The following SETD1B variants were observed in gnomAD, a reference collection of about 807,000 sequenced individuals.
The protein encoded by SETD1B is histone-lysine N-methyltransferase SETD1B.
SETD1B carries 7 observed loss-of-function variants against 148.0 expected under a neutral mutation model. The ratio of observed to expected loss-of-function variants is 0.05; its 90% CI spans 0.03 to 0.09. The LOEUF is 0.09. Ranked by LOEUF, SETD1B falls within the 10% of genes least tolerant of loss-of-function variation. The pLI, the probability that SETD1B is intolerant of heterozygous loss-of-function variation, is 1.00. For synonymous variants in SETD1B, 1,361 were observed against 1,186.5 expected (o/e 1.15, Z -3.02); for missense variants, 2,155 against 2,729.9 (o/e 0.79, Z 4.69).
chr12:121,832,436 TTCTC>T lies in SETD1B; in HGVS notation c.*2200_*2203del, dbSNP rs1422646565. The T allele has an allele frequency of 6.5e-6, 1 of 152,956 alleles. No individual in the cohort carries two copies. Among genetic ancestry groups the T allele is most frequent in the African/African-American group, 2.4e-5 (1 of 41,438 alleles). The allele number at this position is 152,956 out of a possible 1,614,324, so 9.5% of individuals were successfully genotyped here. A position where few individuals can be genotyped will look rare whatever the true frequency, so the allele number is the denominator to read the frequency against. Reference sequence around the variant, plus strand: ...TTGGGGGTTTCTGCTATTTTTTGCTTTCTCTCCCTCCCCCTGCAAAGATGAGAAC... The same window carrying T: ...TTGGGGGTTTCTGCTATTTTTTGCTTTCCCTCCCCCTGCAAAGATGAGAAC... On this transcript the variant is annotated 3_prime_UTR_variant, in exon 17 of 17. Transcript: ENST00000604567.
rs541225332 is a variant in SETD1B at position 121,806,219 on chromosome 12, C to A, written c.544+114C>A. 5.5e-5 allele frequency: 66 copies of A among 1,193,822 alleles called. 1 individual carries two copies. The East Asian group carries it at 5.9e-4, about 11-fold the overall frequency. 74.0% of individuals were successfully genotyped at this position (1,193,822 alleles called of 1,614,324 possible). ...CTCACTCTTCCTTGGGATCCCCCCC[C>A]ACAACCTTATTTCTTAGCCCCCTCC... On this transcript the variant is annotated intron_variant, in intron 4 of 16. Transcript: ENST00000604567.
In SETD1B at chr12:121,822,546, C is replaced by T. The variant is rs1254968993; in HGVS notation, c.3967C>T (p.Pro1323Ser). ...PPMMLPLPLQ[P>S]PLPPPRPPRP... is the part of the protein sequence containing the mutation. Reference sequence around the variant, plus strand: ...TATGATGCTCCCCTTGCCGCTGCAACCACCATTGCCGCCCCCACGACCACC... The same window carrying T: ...TATGATGCTCCCCTTGCCGCTGCAATCACCATTGCCGCCCCCACGACCACC... The change falls in exon 12 of 17, where the codon CCA becomes TCA. Residue 1323 changes from proline (P) to serine (S), a missense_variant. By Grantham distance (74) the Pro-to-Ser change is moderately conservative. This residue lies in a region of SETD1B where 862 missense variants were observed against 873.8 expected (regional missense o/e 0.99). Transcript: ENST00000604567. 6.4e-7 allele frequency: 1 copy of T among 1,550,900 alleles called. No individual in the cohort carries two copies. The highest frequency in any genetic ancestry group is 1.4e-5 in the African/African-American group (1 of 72,988).
the SETD1B span, chr12:121,795,738 A>G: frequency 6.5e-6 from 1 of 152,672 alleles, no homozygotes; most frequent in African/African-American, 2.4e-5. Context: ...TAAGAGGTGG[A>G]AGAAGAGGAC....
intron 13 of SETD1B, 74 bp downstream of exon 13, chr12:121,825,440 G>T (rs1445686652): frequency 2.8e-6 from 4 of 1,433,384 alleles, no homozygotes; most frequent in Non-Finnish European, 3.7e-6. Flanking sequence ...TCATGGAGGG[G>T]TGCCAGGCAG....
chr12:121,823,911 T>C (rs1876712113), intron 12 of SETD1B, among the ~76,000 whole-genome samples, 162 bp downstream of exon 12: 1 of 152,186 alleles, frequency 6.6e-6, no homozygotes, highest in Non-Finnish European at 1.5e-5. Context: ...CCCGGCACCA[T>C]GCCAGGCTCC....
chr12:121,793,354 T>G, the SETD1B span: 1 of 1,430,048 alleles, frequency 7.0e-7, no homozygotes, highest in Non-Finnish European at 9.5e-7. Flanking sequence ...CTCACCCCGC[T>G]GGGCTCTGGA....
At chr12:121,793,239 G>A in the SETD1B span, 1 of 1,550,770 alleles carries the variant, frequency 6.4e-7, no homozygotes, top group Non-Finnish European at 8.7e-7. Context: ...GGGGCGTAGT[G>A]CTGCGGGAGA....
At chr12:121,802,766 C>T (rs1017955635), upstream of SETD1B, 6 of 152,170 alleles carry the variant, frequency 3.9e-5, no homozygotes, top group African/African-American at 9.7e-5. Context: ...TCCAGTCTTC[C>T]AACTGTGAGT....
chr12:121,812,090 G>GGCCGCCAGCGCAGGGAGTC (rs1876061296), intron 6 of SETD1B, among the ~76,000 whole-genome samples: 1 of 151,560 alleles, frequency 6.6e-6, no homozygotes, highest in Admixed American at 6.8e-5. Context: ...GGGACTGCCC[G>GGCCGCCAGCGCAGGGAGTC]GCCGCCAGCG....
At position 121,822,533 on chromosome 12, in the gene SETD1B, C is replaced by T; in HGVS notation, c.3954C>T (p.Pro1318=). 3 of 1,550,780 alleles carry T rather than the reference C, an allele frequency of 1.9e-6. No individual in the cohort carries two copies. Among genetic ancestry groups the T allele is most frequent in the Admixed American group, 2.0e-5 (1 of 50,904 alleles). Residue 1318 remains proline, a synonymous_variant, in exon 12 of 17, where the codon CCC becomes CCT. Transcript: ENST00000604567. ...EVEPEPPMML[P]LPLQPPLPPP... is the part of the protein sequence containing the mutation. Reference sequence around the variant, plus strand: ...AGCCGGAGCCCCCTATGATGCTCCCCTTGCCGCTGCAACCACCATTGCCGC... The same window carrying T: ...AGCCGGAGCCCCCTATGATGCTCCCTTTGCCGCTGCAACCACCATTGCCGC...
rs369993612 is a variant in SETD1B, at chr12:121,817,024, C to G, written c.2716-9C>G. 2.7e-6 allele frequency: 4 copies of G among 1,502,150 alleles called. No individual in the cohort carries two copies. The highest frequency in any genetic ancestry group is 3.6e-6 in the Non-Finnish European group (4 of 1,118,320). The allele number at this position is 1,502,150 out of a possible 1,614,324, so 93.1% of individuals were successfully genotyped here. A position where few individuals can be genotyped will look rare whatever the true frequency, so the allele number is the denominator to read the frequency against. On this transcript the variant is annotated splice_polypyrimidine_tract_variant and intron_variant, in intron 7 of 16. Transcript: ENST00000604567. This position sits in a 1 kb window ranked among gnomAD's most constrained non-coding sequence, Gnocchi z 8.1. The stretch of plus-strand genomic sequence containing the variant: ...AAGCGGTGACGGTCCCCTCCTGTCT[C>G]CACCCCAGGCCTCGCTGACCCCGGT...
intron 7 of SETD1B, 120 bp from the exon 8 acceptor site, chr12:121,816,910 TGAG>T (rs1186816018): frequency 3.6e-6 from 3 of 834,734 alleles, no homozygotes; most frequent in Non-Finnish European, 5.4e-6. Context: ...GTGTAGGGAA[TGAG>T]GATGCAGTTA....
rs750525679 is a variant in SETD1B at position 121,819,584 on chromosome 12, G to A, written c.3599G>A (p.Ser1200Asn). The A allele has an allele frequency of 6.4e-7, 1 of 1,552,432 alleles. No individual in the cohort carries two copies. Among genetic ancestry groups the A allele is most frequent in the South Asian group, 1.2e-5 (1 of 84,070 alleles). The change falls in exon 11 of 17, where the codon AGC becomes AAC. Residue 1200 changes from serine to asparagine, a missense_variant. Around this residue, in one of 11 missense-constraint regions of SETD1B, gnomAD observed 862 missense variants for 873.8 expected, o/e 0.99. Coordinates refer to ENST00000604567, the MANE Select transcript of SETD1B (RefSeq NM_001353345.2). ...GAGGAGGAGATGGTGGCCGAGGAAA[G>A]CATGGCTTCTGCAGGCCCTGAGGAC... ...EEEEEMVAEE[S>N]MASAGPEDFE...
chr12:121,830,250 C>T lies in SETD1B; in HGVS notation c.*11C>T. 6 of 1,548,558 alleles carry T rather than the reference C, an allele frequency of 3.9e-6. No individual in the cohort carries two copies. Among genetic ancestry groups the T allele is most frequent in the Non-Finnish European group, 5.2e-6 (6 of 1,146,070 alleles). On this transcript the variant is annotated 3_prime_UTR_variant, in exon 17 of 17. Transcript: ENST00000604567. The surrounding 1 kb of genome is among the most constrained non-coding windows in gnomAD (Gnocchi z 5.7). ...GGGACCCTCAACTAGGCCCCGGCACCAGACTCAAAGGATGTCAGCCGTAGC... is the reference window on the plus strand; with the variant it reads ...GGGACCCTCAACTAGGCCCCGGCACTAGACTCAAAGGATGTCAGCCGTAGC...
Position 121,810,619 on chromosome 12 carries a change from G to GC in SETD1B, c.1680dup (p.Ser561LeufsTer37). 1 of 1,548,098 alleles carries GC rather than the reference G, an allele frequency of 6.5e-7. No homozygotes were observed. On this transcript the variant is annotated frameshift_variant, in exon 6 of 17. Transcript: ENST00000604567. LOFTEE classifies it high-confidence loss of function. The surrounding 1 kb of genome is among the most constrained non-coding windows in gnomAD (Gnocchi z 7.6). ...CCCAGCCAGGCTTCCGGGGCCCCAC[G>GC]CCCCCCTCGTCACGCCCCTCCAGCA...
Position 121,830,185 on chromosome 12 carries a change from C to T in SETD1B, c.5847C>T (p.Asp1949=), listed in dbSNP as rs569865999. ...ATGACTATAAGTTCCCCATCGAGGA[C>T]GTCAAGATCCCCTGCCTCTGTGGCT... ...ITYDYKFPIE[D]VKIPCLCGSE... The change falls in exon 17 of 17, where the codon GAC becomes GAT. Residue 1949 remains aspartate, a synonymous_variant. Coordinates refer to ENST00000604567, the MANE Select transcript of SETD1B (RefSeq NM_001353345.2). This position sits in a 1 kb window ranked among gnomAD's most constrained non-coding sequence, Gnocchi z 5.7. 50 of 1,551,468 alleles carry T rather than the reference C, an allele frequency of 3.2e-5. No homozygotes were observed. The African/African-American group carries it at 6.3e-4, about 20-fold the overall frequency.
Position 121,827,627 on chromosome 12 carries a change from C to T in SETD1B, c.5446C>T (p.Leu1816=). ...SSFTGSCDSD[L]LKFNQLKFRK... Reference sequence around the variant, plus strand: ...CTTCACTGGCAGCTGTGACAGTGACCTGCTCAAGTTCAACCAGCTCAAGGT... The same window carrying T: ...CTTCACTGGCAGCTGTGACAGTGACTTGCTCAAGTTCAACCAGCTCAAGGT... The change falls in exon 14 of 17, where the codon CTG becomes TTG. Residue 1816 remains leucine (L), a synonymous_variant. Coordinates refer to ENST00000604567, the MANE Select transcript of SETD1B (RefSeq NM_001353345.2). 1.3e-6 allele frequency: 2 copies of T among 1,551,582 alleles called. No individual in the cohort carries two copies. The highest frequency in any genetic ancestry group is 8.7e-7 in the Non-Finnish European group (1 of 1,146,944).
rs1199263421 is a variant in SETD1B at position 121,817,787 on chromosome 12, C to T, written c.3313-12C>T. Reference sequence around the variant, plus strand: ...TTCGGCTCACCTGTCCCCACTCTTCCTTCTCCCCCAGGATGACGACGATGA... The same window carrying T: ...TTCGGCTCACCTGTCCCCACTCTTCTTTCTCCCCCAGGATGACGACGATGA... On this transcript the variant is annotated splice_polypyrimidine_tract_variant and intron_variant, in intron 9 of 16. Coordinates refer to ENST00000604567, the MANE Select transcript of SETD1B (RefSeq NM_001353345.2). The surrounding 1 kb of genome is among the most constrained non-coding windows in gnomAD (Gnocchi z 8.1). The T allele has an allele frequency of 5.2e-6, 8 of 1,546,732 alleles. No individual in the cohort carries two copies. The highest frequency in any genetic ancestry group is 3.6e-5 in the South Asian group (3 of 83,472).
Position 121,805,669 on chromosome 12 carries a change from ATTTTTTTTTTCCAAAAAAAATTTT to A in SETD1B, c.274-155_274-132del, listed in dbSNP as rs1454528507. 1.5e-5 allele frequency among the ~76,000 whole-genome samples: 2 copies of A among 131,358 alleles called. No individual in the cohort carries two copies. Among genetic ancestry groups the A allele is most frequent in the Admixed American group, 8.0e-5 (1 of 12,438 alleles). The allele number at this position is 131,358 out of a possible 152,430, so 86.2% of individuals were successfully genotyped here. On this transcript the variant is annotated intron_variant, in intron 3 of 16. Transcript: ENST00000604567. This position sits in a 1 kb window ranked among gnomAD's most constrained non-coding sequence, Gnocchi z 4.2. Reference sequence around the variant, plus strand: ...CCGCTTCCCGGGCCCGCCCGCGTGCATTTTTTTTTTCCAAAAAAAATTTTTTTTTTTTTTTTAATTTTTAGTTTT... The same window carrying A: ...CCGCTTCCCGGGCCCGCCCGCGTGCATTTTTTTTTTTTAATTTTTAGTTTT...
Sources: allele counts gnomAD v4.1 joint callset (sites outside exome capture counted in the v4.1 genomes callset), GRCh38; gene constraint gnomAD v4.1.1; regional missense constraint gnomAD v4.1.1; non-coding constraint Gnocchi (gnomAD v3.1); transcripts MANE v1.5; gene names NCBI Gene and HGNC (gene_info 2026-07-23, HGNC 2026-07-21).